The following ARID3A variants were observed in gnomAD, a reference collection of about 807,000 sequenced individuals.
ARID3A encodes the protein AT-rich interaction domain 3A, also known as AT-rich interactive domain-containing protein 3A.
In ARID3A, 11 loss-of-function variants were observed where a neutral mutation model predicts 52.7. That is an observed-to-expected ratio of 0.21 (90% CI 0.13 to 0.35). The LOEUF (loss-of-function observed/expected upper bound fraction) is 0.35, where lower values mean the gene tolerates loss of function less well. ARID3A is among the 10% of genes least tolerant of loss of function. ARID3A has a pLI of 1.00. For missense variants in ARID3A, 721 were observed against 838.5 expected, an observed-to-expected ratio of 0.86 and a Z score of 1.73; for synonymous variants, 404 against 359.4, an observed-to-expected ratio of 1.12 and a Z score of -1.40.
intron 3 of ARID3A, among the ~76,000 whole-genome samples, chr19:945,241 C>T (rs1340593059): frequency 6.6e-6 from 1 of 152,288 alleles, no homozygotes; most frequent in Non-Finnish European, 1.5e-5. Flanking sequence ...ACCTCCTCCT[C>T]TCGGCCTCAG....
At chr19:965,259 A>G in intron 6 of ARID3A, 179 bp downstream of exon 6, 1 of 696,178 alleles carries the variant, frequency 1.4e-6, no homozygotes. Context: ...CCAATCCATC[A>G]CCATTTTCTA....
In ARID3A at chr19:929,492, T is replaced by G. The variant is rs1599378993; in HGVS notation, c.-37T>G. The G allele has an allele frequency of 3.1e-6, 4 of 1,281,210 alleles. No individual in the cohort carries two copies. Among genetic ancestry groups the G allele is most frequent in the East Asian group, 5.6e-5 (1 of 17,716 alleles). The allele number at this position is 1,281,210 out of a possible 1,614,324, so 79.4% of individuals were successfully genotyped here. The stretch of plus-strand genomic sequence containing the variant: ...CCACCCCTAGCGCCCGTGGTGGTGG[T>G]GGTGGTGGTGGTGGTGGTGGCCCGG... On this transcript the variant is annotated 5_prime_UTR_variant, in exon 2 of 9. Transcript: ENST00000263620. This position sits in a 1 kb window ranked among gnomAD's most constrained non-coding sequence, Gnocchi z 6.2.
In ARID3A at chr19:973,643, AC is replaced by A; in HGVS notation, c.*1584del. On this transcript the variant is annotated 3_prime_UTR_variant, in exon 9 of 9. Transcript: ENST00000263620. The stretch of plus-strand genomic sequence containing the variant: ...ATTTCAGGGCCCCGGCATCCTGAAC[AC>A]CCCCCACACCCCAACATTCTCCTCG... 2 of 225,090 alleles carry A rather than the reference AC, an allele frequency of 8.9e-6. No homozygotes were observed. Among genetic ancestry groups the A allele is most frequent in the Non-Finnish European group, 1.8e-5 (2 of 113,142 alleles). The allele number at this position is 225,090 out of a possible 1,614,324, so 13.9% of individuals were successfully genotyped here.
At chr19:932,841 C>G in intron 3 of ARID3A, 99 bp downstream of exon 3, 1 of 1,496,830 alleles carries the variant, frequency 6.7e-7, no homozygotes, top group Non-Finnish European at 8.8e-7. Flanking sequence ...CTGAGCCGGG[C>G]GTCGAGTTGA....
rs1043379951 is a variant in ARID3A at position 975,427 on chromosome 19, C to T, written c.*3362C>T. On this transcript the variant is annotated 3_prime_UTR_variant, in exon 9 of 9. Transcript: ENST00000263620. ...ATCTGTACAGTTGAATTTCCTTTCTCTTATCATGTTTTACCCACCTTGTCC... is the reference window on the plus strand; with the variant it reads ...ATCTGTACAGTTGAATTTCCTTTCTTTTATCATGTTTTACCCACCTTGTCC... The T allele has an allele frequency of 4.3e-6, 1 of 231,224 alleles. No homozygotes were observed. Among genetic ancestry groups the T allele is most frequent in the Non-Finnish European group, 8.6e-6 (1 of 116,726 alleles). 14.3% of individuals were successfully genotyped at this position (231,224 alleles called of 1,614,324 possible).
rs531077540 is a variant in ARID3A at position 944,573 on chromosome 19, C to T, written c.693+11831C>T. Among the ~76,000 whole-genome samples, 34 of 152,286 alleles carry T rather than the reference C, an allele frequency of 2.2e-4. No individual in the cohort carries two copies. The highest frequency in any genetic ancestry group is 4.4e-4 in the Non-Finnish European group (30 of 68,022). On this transcript the variant is annotated intron_variant, in intron 3 of 8. Transcript: ENST00000263620. This position sits in a 1 kb window ranked among gnomAD's most constrained non-coding sequence, Gnocchi z 5.9. ...GTCCCCCACCCAGGACCCCCGACCC[C>T]GGCCCTGGGAGGGCCCGACTGCCAG...
At chr19:940,097 G>A (rs939202153) in intron 3 of ARID3A, among the ~76,000 whole-genome samples, 2 of 152,026 alleles carry the variant, frequency 1.3e-5, no homozygotes, top group African/African-American at 4.8e-5. Context: ...GGGGCATTGG[G>A]GCTGGGGCTT....
chr19:971,946 G>A lies in ARID3A; in HGVS notation c.1663G>A (p.Gly555Ser), dbSNP rs572708769. The A allele has an allele frequency of 5.5e-5, 88 of 1,599,942 alleles. No individual in the cohort carries two copies. The highest frequency in any genetic ancestry group is 1.6e-4 in the East Asian group (7 of 43,252). Residue 555 changes from glycine to serine, a missense_variant, in exon 9 of 9, where the codon GGC (glycine) becomes AGC (serine). Physicochemically the swap from Gly to Ser is moderately conservative, Grantham distance 56 (BLOSUM62 0). Around this residue, in one of 5 missense-constraint regions of ARID3A, gnomAD observed 297 missense variants for 343.2 expected, o/e 0.87. Coordinates refer to ENST00000263620, the MANE Select transcript of ARID3A (RefSeq NM_005224.3). ...SAPNKGGGGGGGSSSNAGGRG... is the reference protein window; with the variant it reads ...SAPNKGGGGGSGSSSNAGGRG... Reference sequence around the variant, plus strand: ...TCCCAACAAAGGAGGCGGCGGCGGCGGCGGCAGCAGCAGCAACGCAGGCGG... The same window carrying A: ...TCCCAACAAAGGAGGCGGCGGCGGCAGCGGCAGCAGCAGCAACGCAGGCGG...
intron 2 of ARID3A, 99 bp from the exon 3 acceptor site, chr19:932,319 C>A (rs1176803067): frequency 1.3e-6 from 2 of 1,549,298 alleles, no homozygotes; most frequent in Non-Finnish European, 1.7e-6. Context: ...CTTCCTATTT[C>A]CAGAGAGGGA....
chr19:968,595 G>C (rs1355567463), intron 8 of ARID3A, 92 bp downstream of exon 8: 1 of 1,229,148 alleles, frequency 8.1e-7, no homozygotes, highest in East Asian at 2.4e-5. Context: ...CCACCTGCTT[G>C]AACCTAGGTG....
intron 1 of ARID3A, among the ~76,000 whole-genome samples, chr19:928,050 A>G (rs2037237729): frequency 6.6e-6 from 1 of 151,982 alleles, no homozygotes; most frequent in African/African-American, 2.4e-5. Context: ...GTCGGGTCAC[A>G]GGAGGGATCT....
In ARID3A at chr19:973,326, C is replaced by G. The variant is rs1349154542; in HGVS notation, c.*1261C>G. The G allele has an allele frequency of 1.1e-5, 2 of 178,918 alleles. No individual in the cohort carries two copies. Among genetic ancestry groups the G allele is most frequent in the African/African-American group, 4.7e-5 (2 of 42,158 alleles). The allele number at this position is 178,918 out of a possible 1,614,324, so 11.1% of individuals were successfully genotyped here. On this transcript the variant is annotated 3_prime_UTR_variant, in exon 9 of 9. Transcript: ENST00000263620. ...TGGGGGTTTTGCCATGTTGGTCAGGCTGATCTCGAACTCCTGACCTCAGGT... is the reference window on the plus strand; with the variant it reads ...TGGGGGTTTTGCCATGTTGGTCAGGGTGATCTCGAACTCCTGACCTCAGGT...
At position 941,861 on chromosome 19, in the gene ARID3A, T is replaced by C. The variant is rs1045412919; in HGVS notation, c.693+9119T>C. Among the ~76,000 whole-genome samples, 2 of 152,020 alleles carry C rather than the reference T, an allele frequency of 1.3e-5. No homozygotes were observed. Among genetic ancestry groups the C allele is most frequent in the Non-Finnish European group, 2.9e-5 (2 of 68,004 alleles). Reference sequence around the variant, plus strand: ...GTGCACGTCGAGGCTGGAGAGTGTGTGTCCAAAAGCGTGCCTGCTTGGGCT... The same window carrying C: ...GTGCACGTCGAGGCTGGAGAGTGTGCGTCCAAAAGCGTGCCTGCTTGGGCT... On this transcript the variant is annotated intron_variant, in intron 3 of 8. Coordinates refer to ENST00000263620, the MANE Select transcript of ARID3A (RefSeq NM_005224.3). The surrounding 1 kb of genome is among the most constrained non-coding windows in gnomAD (Gnocchi z 6.9).
In ARID3A at chr19:929,810, C is replaced by A. The variant is rs753848786; in HGVS notation, c.282C>A (p.Ala94=). 6.5e-7 allele frequency: 1 copy of A among 1,546,094 alleles called. No individual in the cohort carries two copies. Among genetic ancestry groups the A allele is most frequent in the Non-Finnish European group, 8.7e-7 (1 of 1,148,594 alleles). ...GPPGSEEEDA[A]REGTPGSPGR... is the part of the protein sequence containing the mutation. ...CAGGCTCGGAGGAGGAGGACGCGGCCCGGGAGGGGACACCGGGCTCACCCG... is the reference window on the plus strand; with the variant it reads ...CAGGCTCGGAGGAGGAGGACGCGGCACGGGAGGGGACACCGGGCTCACCCG... The change falls in exon 2 of 9, where the codon GCC becomes GCA. Residue 94 remains alanine, a synonymous_variant. Coordinates refer to ENST00000263620, the MANE Select transcript of ARID3A (RefSeq NM_005224.3). This position sits in a 1 kb window ranked among gnomAD's most constrained non-coding sequence, Gnocchi z 6.2.
At chr19:932,920 C>A (rs1230344033) in intron 3 of ARID3A, among the ~76,000 whole-genome samples, 178 bp downstream of exon 3, 1 of 152,156 alleles carries the variant, frequency 6.6e-6, no homozygotes, top group African/African-American at 2.4e-5. Flanking sequence ...GACCAGCTGG[C>A]TGTTCATTGC....
Position 973,104 on chromosome 19 carries a change from A to ATTTTTTCTTTTTTTTTTTTTTTTTTTTTT in ARID3A, c.*1045_*1046insCTTTTTTTTTTTTTTTTTTTTTTTTTTTT, listed in dbSNP as rs2038314992. The ATTTTTTCTTTTTTTTTTTTTTTTTTTTTT allele has an allele frequency of 1.9e-5, 1 of 53,488 alleles. No individual in the cohort carries two copies. Among genetic ancestry groups the ATTTTTTCTTTTTTTTTTTTTTTTTTTTTT allele is most frequent in the Non-Finnish European group, 3.4e-5 (1 of 29,006 alleles). 3.3% of individuals were successfully genotyped at this position (53,488 alleles called of 1,614,324 possible). On this transcript the variant is annotated 3_prime_UTR_variant, in exon 9 of 9. Transcript: ENST00000263620. ...GGGCTCTCGAGTCAGGGGCCTGGAA[A>ATTTTTTCTTTTTTTTTTTTTTTTTTTTTT]TTTTTTTTTTTTTTTTTTTTTGAGA...
rs2037352490 is a variant in ARID3A, at chr19:932,475, GGAGGAGGAGGATTACGAGGAT to G, written c.438_458del (p.Asp146_Glu152del). 6.3e-7 allele frequency: 1 copy of G among 1,580,226 alleles called. No individual in the cohort carries two copies. ...AAGACCTCGGGGAGGATGAGGAGGA[GGAGGAGGAGGATTACGAGGAT>G]GAGGAGGAGGAGGAGGACGAGGAGG... On this transcript the variant is annotated inframe_deletion, in exon 3 of 9. Coordinates refer to ENST00000263620, the MANE Select transcript of ARID3A (RefSeq NM_005224.3).
chr19:951,294 T>C (rs1256468575), intron 3 of ARID3A, among the ~76,000 whole-genome samples: 2 of 147,602 alleles, frequency 1.4e-5, no homozygotes, highest in Non-Finnish European at 3.0e-5. Flanking sequence ...CGGTGGCTCA[T>C]GCCTGTAATC....
chr19:949,468 A>G (rs1001511484), intron 3 of ARID3A, among the ~76,000 whole-genome samples: 1 of 152,136 alleles, frequency 6.6e-6, no homozygotes, highest in Non-Finnish European at 1.5e-5. Context: ...GGGGCCGGAA[A>G]GGGGACACCA....
Sources: gnomAD v4.1 joint callset for allele counts (sites outside exome capture counted in the v4.1 genomes callset) on GRCh38, gnomAD v4.1.1 for gene constraint, gnomAD v4.1.1 regional missense constraint, Gnocchi (gnomAD v3.1) non-coding constraint, MANE v1.5 for transcripts, NCBI Gene and HGNC (gene_info 2026-07-23, HGNC 2026-07-21) for gene names.